XNDC1N: variants seen among roughly 807,000 people sequenced by gnomAD.
XNDC1N encodes XRCC1 N-terminal domain containing 1, N-terminal like.
the XNDC1N span, among the ~76,000 whole-genome samples, chr11:71,900,960 C>T: frequency 6.6e-6 from 1 of 152,310 alleles, no homozygotes; most frequent in South Asian, 2.1e-4. Flanking sequence ...TGCAACCAAC[C>T]TGCCCTCTCA....
the XNDC1N span, among the ~76,000 whole-genome samples, chr11:71,889,382 C>T: frequency 1.3e-5 from 2 of 152,240 alleles, no homozygotes; most frequent in South Asian, 4.1e-4. Flanking sequence ...CCCGCGCTGA[C>T]TCAGAGGCTC....
the XNDC1N span, among the ~76,000 whole-genome samples, chr11:71,887,502 G>C: frequency 5.3e-5 from 8 of 152,080 alleles, no homozygotes; most frequent in Non-Finnish European, 7.4e-5. Context: ...CAGGCCAAGA[G>C]AGAAGACCAG....
At chr11:71,888,494 C>A in the XNDC1N span, among the ~76,000 whole-genome samples, 1 of 152,150 alleles carries the variant, frequency 6.6e-6, no homozygotes, top group Non-Finnish European at 1.5e-5. Context: ...AGCCCCAGCC[C>A]TGGGGCTACC....
chr11:71,898,771 CTG>C, the XNDC1N span, among the ~76,000 whole-genome samples: 1 of 152,138 alleles, frequency 6.6e-6, no homozygotes. Context: ...AAAGATAAAA[CTG>C]TTCTGGAGAC....
At chr11:71,871,334 A>G in the XNDC1N span, among the ~76,000 whole-genome samples, 1 of 152,192 alleles carries the variant, frequency 6.6e-6, no homozygotes, top group Admixed American at 6.5e-5. Context: ...AATCAAACTC[A>G]AATAAGCAGA....
At chr11:71,919,605 G>GTTTTTTTTGTT in the XNDC1N span, among the ~76,000 whole-genome samples, 5 of 10,898 alleles carry the variant, frequency 4.6e-4, no homozygotes, top group Admixed American at 1.3e-3. Context: ...GGCCAGGTTG[G>GTTTTTTTTGTT]TTTTTTTTTT....
the XNDC1N span, among the ~76,000 whole-genome samples, chr11:71,915,341 G>A: frequency 3.9e-5 from 6 of 151,922 alleles, no homozygotes; most frequent in Non-Finnish European, 7.4e-5. Context: ...CCAGCTATTC[G>A]GGAGGCTGAG....
At chr11:71,884,078 C>A in the XNDC1N span, among the ~76,000 whole-genome samples, 1 of 152,178 alleles carries the variant, frequency 6.6e-6, no homozygotes, top group African/African-American at 2.4e-5. Flanking sequence ...GAATTTAACT[C>A]CAGAAATTAA....
At chr11:71,903,958 G>T in the XNDC1N span, 2 of 494,920 alleles carry the variant, frequency 4.0e-6, no homozygotes, top group Middle Eastern at 4.3e-4. Flanking sequence ...TGGAACAGGC[G>T]TTGGAGGGTA....
the XNDC1N span, among the ~76,000 whole-genome samples, chr11:71,901,925 C>T: frequency 6.6e-5 from 10 of 152,198 alleles, no homozygotes; most frequent in Middle Eastern, 3.4e-3. Flanking sequence ...TTCAACTCCA[C>T]ACAATTCAAC....
chr11:71,892,297 T>G, the XNDC1N span, among the ~76,000 whole-genome samples: 2 of 152,058 alleles, frequency 1.3e-5, no homozygotes, highest in Non-Finnish European at 2.9e-5. Context: ...AGGTGTAATA[T>G]TTTTCTAAGT....
chr11:71,905,576 G>T, the XNDC1N span, among the ~76,000 whole-genome samples: 1 of 151,956 alleles, frequency 6.6e-6, no homozygotes, highest in South Asian at 2.1e-4. Context: ...ATATCACAAG[G>T]TGTACACTCA....
chr11:71,918,203 G>A, the XNDC1N span, among the ~76,000 whole-genome samples: 1 of 152,156 alleles, frequency 6.6e-6, no homozygotes, highest in African/African-American at 2.4e-5. Context: ...AGCCTTCTTG[G>A]ATTATCCTCG....
the XNDC1N span, among the ~76,000 whole-genome samples, chr11:71,899,886 C>A: frequency 6.6e-6 from 1 of 152,150 alleles, no homozygotes; most frequent in Non-Finnish European, 1.5e-5. Context: ...TCCTGCCTGC[C>A]CCTGGGAAAT....
At chr11:71,905,720 C>T in the XNDC1N span, among the ~76,000 whole-genome samples, 2 of 151,808 alleles carry the variant, frequency 1.3e-5, no homozygotes, top group Non-Finnish European at 2.9e-5. Context: ...ACAGGGTGTA[C>T]CCTCTGTGGG....
At chr11:71,872,449 T>A in the XNDC1N span, among the ~76,000 whole-genome samples, 29,829 of 152,040 alleles carry the variant, frequency 0.2, 5,351 homozygotes, top group African/African-American at 0.47. Flanking sequence ...TGTAATCTCA[T>A]TTATTCTTAA....
At chr11:71,881,183 A>C in the XNDC1N span, among the ~76,000 whole-genome samples, 1 of 152,166 alleles carries the variant, frequency 6.6e-6, no homozygotes, top group Non-Finnish European at 1.5e-5. Flanking sequence ...TAATATATCT[A>C]TTCCACTACT....
the XNDC1N span, among the ~76,000 whole-genome samples, chr11:71,905,712 A>AG: frequency 3.3e-5 from 5 of 152,094 alleles, no homozygotes; most frequent in African/African-American, 1.2e-4. Context: ...AAAATATCAC[A>AG]GGGTGTACCC....
At chr11:71,906,604 C>T in the XNDC1N span, among the ~76,000 whole-genome samples, 140 of 152,164 alleles carry the variant, frequency 9.2e-4, no homozygotes, top group African/African-American at 3.2e-3. Flanking sequence ...TGGGATATTA[C>T]GAATTTTATG....
Sources: gnomAD v4.1 joint callset for allele counts (sites outside exome capture counted in the v4.1 genomes callset) on GRCh38, gnomAD v4.1.1 for gene constraint, MANE v1.5 for transcripts, NCBI Gene and HGNC (gene_info 2026-07-23, HGNC 2026-07-21) for gene names.